The following IPO5 variants were observed in gnomAD, a reference collection of about 807,000 sequenced individuals.
IPO5 encodes importin-5.
A neutral mutation model predicts 143.3 loss-of-function variants in IPO5; 18 were observed. The ratio of observed to expected loss-of-function variants is 0.13; its 90% CI spans 0.09 to 0.19. IPO5 has a LOEUF of 0.19. IPO5 is among the 10% of genes least tolerant of loss of function. The pLI is 1.00. For synonymous variants in IPO5, 477 were observed against 465.7 expected (o/e 1.02, Z -0.31); for missense variants, 1,013 against 1,336.9 (o/e 0.76, Z 3.78).
At chr13:98,006,630 T>A (rs2139801336) in intron 17 of IPO5, among the ~76,000 whole-genome samples, 1 of 152,012 alleles carries the variant, frequency 6.6e-6, no homozygotes, top group African/African-American at 2.4e-5. Flanking sequence ...CGCCTCGGCC[T>A]CCCAGAGTGC....
At chr13:98,000,244 C>A (rs1449276578) in intron 12 of IPO5, among the ~76,000 whole-genome samples, 1 of 151,726 alleles carries the variant, frequency 6.6e-6, no homozygotes, top group Non-Finnish European at 1.5e-5. Flanking sequence ...GAGATCGTGC[C>A]ACTGCGCTCC....
intron 18 of IPO5, 87 bp from the exon 19 acceptor site, chr13:98,009,794 T>C: frequency 9.8e-7 from 1 of 1,018,250 alleles, no homozygotes; most frequent in Middle Eastern, 2.6e-4. Context: ...CAATAAAACA[T>C]TGTTTCTATG....
Position 97,976,724 on chromosome 13 carries a change from C to G in IPO5, c.28C>G (p.Gln10Glu), listed in dbSNP as rs1367145632. Residue 10 changes from glutamine to glutamate, a missense_variant, in exon 4 of 29, where the codon CAG (glutamine) becomes GAG (glutamate). Around this residue, in one of 2 missense-constraint regions of IPO5, gnomAD observed 328 missense variants for 342.0 expected, o/e 0.96. Transcript: ENST00000651721. MAAAAAEQQ[Q>E]FYLLLGNLLS... ...GGCGGCGGCCGCGGCGGAGCAGCAA[C>G]AGTTCTACCTGCTCCTGGGAAACCT... 3 of 1,409,678 alleles carry G rather than the reference C, an allele frequency of 2.1e-6. No homozygotes were observed. Among genetic ancestry groups the G allele is most frequent in the Non-Finnish European group, 1.9e-6 (2 of 1,057,400 alleles). The allele number at this position is 1,409,678 out of a possible 1,614,324, so 87.3% of individuals were successfully genotyped here. A position where few individuals can be genotyped will look rare whatever the true frequency, so the allele number is the denominator to read the frequency against.
intron 2 of IPO5, among the ~76,000 whole-genome samples, chr13:97,968,804 T>C (rs1885564404): frequency 6.6e-6 from 1 of 151,474 alleles, no homozygotes; most frequent in African/African-American, 2.4e-5. Context: ...AGTTCTCGTA[T>C]CTCAGCCTCC....
At chr13:97,991,836 T>A (rs1887830125) in intron 9 of IPO5, among the ~76,000 whole-genome samples, 1 of 152,234 alleles carries the variant, frequency 6.6e-6, no homozygotes, top group Non-Finnish European at 1.5e-5. Context: ...TATAAATGTC[T>A]GGGATTTGTA....
At position 98,023,831 on chromosome 13, in the gene IPO5, G is replaced by A. The variant is rs1890627012; in HGVS notation, c.*2009G>A. The A allele has an allele frequency of 6.6e-6, 1 of 152,200 alleles. No individual in the cohort carries two copies. The highest frequency in any genetic ancestry group is 1.5e-5 in the Non-Finnish European group (1 of 68,032). The allele number at this position is 152,200 out of a possible 1,614,324, so 9.4% of individuals were successfully genotyped here. ...ATAGGGAAGGTTGGTAGTAAATGCT[G>A]TTAGTGTGACATGATTCTGAAACCC... On this transcript the variant is annotated 3_prime_UTR_variant, in exon 29 of 29. Transcript: ENST00000651721.
chr13:98,017,236 A>T (rs1949877851), intron 25 of IPO5, among the ~76,000 whole-genome samples: 1 of 150,288 alleles, frequency 6.7e-6, no homozygotes, highest in African/African-American at 2.4e-5. Flanking sequence ...ATTATGGATA[A>T]TGGGCATATA....
intron 2 of IPO5, among the ~76,000 whole-genome samples, chr13:97,961,080 G>A (rs1466554274): frequency 6.6e-6 from 1 of 152,140 alleles, no homozygotes; most frequent in African/African-American, 2.4e-5. Context: ...CCAAAAAAAT[G>A]TGTGGTCTTT....
At position 98,021,972 on chromosome 13, in the gene IPO5, CTGTGT is replaced by C. The variant is rs1890526678; in HGVS notation, c.*153_*157del. ...AGAGCCACAAGCAGGAAGAGCAGCGCTGTGTTGCAGAATGGAGTTTCCATGGATTT... is the reference window on the plus strand; with the variant it reads ...AGAGCCACAAGCAGGAAGAGCAGCGCTGCAGAATGGAGTTTCCATGGATTT... On this transcript the variant is annotated 3_prime_UTR_variant, in exon 29 of 29. Coordinates refer to ENST00000651721, the MANE Select transcript of IPO5 (RefSeq NM_002271.6). The C allele has an allele frequency of 4.4e-6, 2 of 453,012 alleles. No individual in the cohort carries two copies. Among genetic ancestry groups the C allele is most frequent in the Admixed American group, 6.8e-5 (2 of 29,480 alleles). 28.1% of individuals were successfully genotyped at this position (453,012 alleles called of 1,614,324 possible).
chr13:97,979,069 C>A (rs1886627111), intron 4 of IPO5, among the ~76,000 whole-genome samples: 1 of 152,134 alleles, frequency 6.6e-6, no homozygotes, highest in African/African-American at 2.4e-5. Flanking sequence ...TTAAGAGAAG[C>A]TCTCTGGTGC....
chr13:97,990,325 C>A, intron 8 of IPO5, 103 bp downstream of exon 8: 1 of 1,141,168 alleles, frequency 8.8e-7, no homozygotes, highest in Non-Finnish European at 1.3e-6. Flanking sequence ...CTTTAAAATA[C>A]AAACACCAGT....
intron 16 of IPO5, among the ~76,000 whole-genome samples, chr13:98,003,561 A>G (rs1368365273): frequency 6.6e-6 from 1 of 152,110 alleles, no homozygotes; most frequent in East Asian, 1.9e-4. Context: ...ATTTTAAAAG[A>G]TGAAAGGGCC....
Position 97,992,388 on chromosome 13 carries a change from G to A in IPO5, c.670-504G>A, listed in dbSNP as rs117311587. ...TTACAGGTTCTAGTACTTACTATGCGTATGAGAAAAACTAGGGCATGGATA... is the reference window on the plus strand; with the variant it reads ...TTACAGGTTCTAGTACTTACTATGCATATGAGAAAAACTAGGGCATGGATA... On this transcript the variant is annotated intron_variant, in intron 9 of 28. Coordinates refer to ENST00000651721, the MANE Select transcript of IPO5 (RefSeq NM_002271.6). Among the ~76,000 whole-genome samples the A allele has an allele frequency of 7.5e-3, 1,138 of 152,234 alleles. 8 individuals carry two copies. Among genetic ancestry groups the A allele is most frequent in the Non-Finnish European group, 7.7e-3 (524 of 68,024 alleles).
At chr13:97,965,755 TTGTGTG>T (rs35443379) in intron 2 of IPO5, among the ~76,000 whole-genome samples, 246 of 146,752 alleles carry the variant, frequency 1.7e-3, no homozygotes, top group East Asian at 7.7e-3. Flanking sequence ...TTCTAATAGT[TTGTGTG>T]TGTGTGTGTG....
intron 2 of IPO5, among the ~76,000 whole-genome samples, chr13:97,969,169 A>ATTTTT (rs1566454631): frequency 2.8e-5 from 2 of 72,280 alleles, no homozygotes; most frequent in African/African-American, 1.5e-4. Flanking sequence ...ATATATATAT[A>ATTTTT]TATATATTTT....
At chr13:97,968,891 G>A (rs957431105) in intron 2 of IPO5, among the ~76,000 whole-genome samples, 4 of 151,838 alleles carry the variant, frequency 2.6e-5, no homozygotes, top group African/African-American at 9.7e-5. Context: ...GTTTCACCAT[G>A]TTTGCCAGGC....
intron 28 of IPO5, 196 bp from the exon 29 acceptor site, chr13:98,021,540 A>C (rs1463401331): frequency 7.3e-6 from 3 of 413,490 alleles, no homozygotes; most frequent in Non-Finnish European, 1.3e-5. Context: ...TCAGTGCAAA[A>C]ATGAAGAAAA....
At position 97,976,145 on chromosome 13, in the gene IPO5, C is replaced by A. The variant is rs568173057; in HGVS notation, c.-4-548C>A. 9.5e-5 allele frequency: 17 copies of A among 178,100 alleles called. 1 individual carries two copies. In the South Asian group the frequency reaches 2.8e-3, roughly 29 times the overall value. 11.0% of individuals were successfully genotyped at this position (178,100 alleles called of 1,614,324 possible). On this transcript the variant is annotated intron_variant, in intron 3 of 28. Coordinates refer to ENST00000651721, the MANE Select transcript of IPO5 (RefSeq NM_002271.6). ...CGCTAGAAGGAGGCCGACCAGCCCG[C>A]GGCGCCGAAATCTCCCGCGCTCAGC...
At chr13:97,977,131 T>C in intron 4 of IPO5, 1 of 156,552 alleles carries the variant, frequency 6.4e-6, no homozygotes, top group Non-Finnish European at 1.4e-5. Flanking sequence ...GCTTGCCCCT[T>C]TCCCGCTTTC....
Sources: allele counts gnomAD v4.1 joint callset (sites outside exome capture counted in the v4.1 genomes callset), GRCh38; gene constraint gnomAD v4.1.1; regional missense constraint gnomAD v4.1.1; transcripts MANE v1.5; gene names NCBI Gene and HGNC (gene_info 2026-07-23, HGNC 2026-07-21).